Variants in EHMT1 observed in about 807,000 individuals in gnomAD.
The protein encoded by EHMT1 is histone-lysine N-methyltransferase EHMT1.
Under a neutral mutation model 147.2 loss-of-function variants are expected in EHMT1, and 15 were observed. The ratio of observed to expected loss-of-function variants is 0.10; its 90% confidence interval spans 0.07 to 0.16. EHMT1 has a LOEUF of 0.16. Ranked by LOEUF, EHMT1 falls within the 10% of genes least tolerant of loss-of-function variation. EHMT1 has a pLI of 1.00. For synonymous variants in EHMT1, 795 were observed against 709.6 expected, an observed-to-expected ratio of 1.12 and a Z score of -1.91; for missense variants, 1,587 against 1,772.4, an observed-to-expected ratio of 0.90 and a Z score of 1.88.
chr9:137,726,887 C>T (rs545935066), intron 3 of EHMT1, among the ~76,000 whole-genome samples: 12 of 152,202 alleles, frequency 7.9e-5, no homozygotes, highest in Admixed American at 1.3e-4. Flanking sequence ...TGGTACTCAC[C>T]GTGGTTTTGA....
At chr9:137,808,678 G>T (rs1016822226) in intron 18 of EHMT1, among the ~76,000 whole-genome samples, 2 of 103,050 alleles carry the variant, frequency 1.9e-5, no homozygotes, top group African/African-American at 2.0e-4. Context: ...GCGGGGGGTG[G>T]GGGGGGCGCG....
rs1462150039 is a variant in EHMT1 at position 137,743,952 on chromosome 9, G to A, written c.1032G>A (p.Leu344=). The A allele has an allele frequency of 6.2e-7, 1 of 1,613,844 alleles. No homozygotes were observed. The highest frequency in any genetic ancestry group is 8.5e-7 in the Non-Finnish European group (1 of 1,179,914). The change falls in exon 6 of 27, where the codon CTG becomes CTA. Residue 344 remains leucine (L), a synonymous_variant. Coordinates refer to ENST00000460843, the MANE Select transcript of EHMT1 (RefSeq NM_024757.5). ...ASSLHVNGES[L]EMDSDEDDSE... is the part of the protein sequence containing the mutation. ...GCCTGCACGTGAATGGGGAGAGCCT[G>A]GAGATGGACTCGGATGAGGACGACT...
At chr9:137,712,903 G>A (rs1431089531) in intron 2 of EHMT1, among the ~76,000 whole-genome samples, 4 of 151,970 alleles carry the variant, frequency 2.6e-5, no homozygotes, top group Non-Finnish European at 5.9e-5. Context: ...GAGTTTTATA[G>A]TTTTATCTCT....
intron 25 of EHMT1, among the ~76,000 whole-genome samples, chr9:137,826,189 T>G (rs1588909760): frequency 6.6e-6 from 1 of 152,186 alleles, no homozygotes; most frequent in Non-Finnish European, 1.5e-5. Flanking sequence ...CTGTGCCGTC[T>G]CCTTGCTGCC....
intron 25 of EHMT1, 56 bp downstream of exon 25, chr9:137,818,194 A>G (rs980650103): frequency 6.3e-7 from 1 of 1,578,332 alleles, no homozygotes; most frequent in African/African-American, 1.3e-5. Flanking sequence ...TAAAACCTGA[A>G]TGTGTTTGTC....
intron 3 of EHMT1, among the ~76,000 whole-genome samples, chr9:137,726,231 C>T (rs999916357): frequency 1.3e-5 from 2 of 152,244 alleles, no homozygotes; most frequent in African/African-American, 4.8e-5. Context: ...GGAACCTCTT[C>T]ATCTTCCCAC....
intron 9 of EHMT1, among the ~76,000 whole-genome samples, chr9:137,759,004 A>G (rs932477006): frequency 6.6e-6 from 1 of 151,902 alleles, no homozygotes; most frequent in Non-Finnish European, 1.5e-5. Context: ...GCGGGCGCCT[A>G]TAGTCCCAGC....
In EHMT1 at chr9:137,729,600, T is replaced by A. The variant is rs182392700; in HGVS notation, c.823+1071T>A. On this transcript the variant is annotated intron_variant, in intron 4 of 26. Coordinates refer to ENST00000460843, the MANE Select transcript of EHMT1 (RefSeq NM_024757.5). The stretch of plus-strand genomic sequence containing the variant: ...AGACTCCATCTCAAAAAAAAAAAAA[T>A]TTTTTTTAATTTAAGTATTTTCAGA... Among the ~76,000 whole-genome samples the A allele has an allele frequency of 9.0e-3, 1,299 of 143,826 alleles. 40 individuals carry two copies. The East Asian group carries it at 0.11, about 12-fold the overall frequency. 94.4% of individuals were successfully genotyped at this position (143,826 alleles called of 152,430 possible). A position where few individuals can be genotyped will look rare whatever the true frequency, so the allele number is the denominator to read the frequency against.
rs10667884 is a variant in EHMT1, at chr9:137,834,335, T to TTC, written c.3541-11_3541-10dup. 0.12 allele frequency: 198,544 copies of TTC among 1,612,306 alleles called. 18,014 individuals carry two copies. Among genetic ancestry groups the TTC allele is most frequent in the African/African-American group, 0.44 (32,831 of 74,944 alleles). On this transcript the variant is annotated splice_polypyrimidine_tract_variant and intron_variant, in intron 25 of 26. Transcript: ENST00000460843. The stretch of plus-strand genomic sequence containing the variant: ...CTTGCTAACTGCAGCCCGTGCCGGC[T>TTC]TCTCGCCCTGCAGGACGGGGAGGTT...
At chr9:137,739,085 A>AAAAC (rs1564666900) in intron 4 of EHMT1, among the ~76,000 whole-genome samples, 1 of 152,036 alleles carries the variant, frequency 6.6e-6, no homozygotes, top group African/African-American at 2.4e-5. Context: ...AAAAAAAAAA[A>AAAAC]AACAGGCCGG....
At position 137,723,714 on chromosome 9, in the gene EHMT1, T is replaced by A. The variant is rs191516439; in HGVS notation, c.643-4635T>A. Among the ~76,000 whole-genome samples, 17 of 152,356 alleles carry A rather than the reference T, an allele frequency of 1.1e-4. No homozygotes were observed. The East Asian group carries it at 3.1e-3, about 28-fold the overall frequency. ...AACCCAATTTAGTCTTGTTTGGTAT[T>A]TTTTTAAAGCCACAATTTATTGAAA... On this transcript the variant is annotated intron_variant, in intron 3 of 26. Coordinates refer to ENST00000460843, the MANE Select transcript of EHMT1 (RefSeq NM_024757.5).
At chr9:137,774,951 T>C (rs1292145415) in intron 10 of EHMT1, among the ~76,000 whole-genome samples, 158 bp from the exon 11 acceptor site, 1 of 152,180 alleles carries the variant, frequency 6.6e-6, no homozygotes, top group Non-Finnish European at 1.5e-5. Context: ...AGGTGCTCGA[T>C]AAGTGCTTGC....
chr9:137,821,189 T>C (rs1955388576), intron 25 of EHMT1, among the ~76,000 whole-genome samples: 1 of 152,050 alleles, frequency 6.6e-6, no homozygotes, highest in Admixed American at 6.6e-5. Context: ...CCCAGCTAAG[T>C]TTTGTAGTTT....
Position 137,775,563 on chromosome 9 carries a change from C to G in EHMT1, c.1791+311C>G, listed in dbSNP as rs966597085. Among the ~76,000 whole-genome samples the G allele has an allele frequency of 1.1e-4, 16 of 151,776 alleles. No homozygotes were observed. The highest frequency in any genetic ancestry group is 1.3e-4 in the Non-Finnish European group (9 of 67,918). On this transcript the variant is annotated intron_variant, in intron 11 of 26. Coordinates refer to ENST00000460843, the MANE Select transcript of EHMT1 (RefSeq NM_024757.5). This position sits in a 1 kb window ranked among gnomAD's most constrained non-coding sequence, Gnocchi z 6.1. ...AAGTGAGGGTTGGGGGTGAAGGTGT[C>G]TAAGGCACTGGGGCTCGAGAGCAGT...
chr9:137,788,188 G>A, intron 15 of EHMT1: 1 of 673,232 alleles, frequency 1.5e-6, no homozygotes, highest in Non-Finnish European at 2.4e-6. Context: ...GCCTGCAGAA[G>A]CTGGGCTGCT....
chr9:137,806,273 T>C (rs1453042766), intron 18 of EHMT1, among the ~76,000 whole-genome samples: 2 of 152,078 alleles, frequency 1.3e-5, no homozygotes, highest in Non-Finnish European at 2.9e-5. Context: ...GTGGTCTGTT[T>C]GAAAGACTGC....
At chr9:137,693,433 G>A (rs1943108150) in intron 1 of EHMT1, among the ~76,000 whole-genome samples, 1 of 152,246 alleles carries the variant, frequency 6.6e-6, no homozygotes, top group South Asian at 2.1e-4. Flanking sequence ...TTTTACTGCA[G>A]AGGAAACGGG....
intron 18 of EHMT1, among the ~76,000 whole-genome samples, chr9:137,809,005 A>T (rs765279759): frequency 6.6e-6 from 1 of 152,230 alleles, no homozygotes; most frequent in Non-Finnish European, 1.5e-5. Flanking sequence ...GCCCCTAAGC[A>T]AGCAGCCTTT....
At chr9:137,817,357 T>A (rs1168863976) in intron 23 of EHMT1, 82 bp from the exon 24 acceptor site, 2 of 1,494,040 alleles carry the variant, frequency 1.3e-6, no homozygotes, top group Middle Eastern at 1.7e-4. Flanking sequence ...TTCAGTGACG[T>A]GGCACCAGCT....
Sources: allele counts gnomAD v4.1 joint callset (sites outside exome capture counted in the v4.1 genomes callset), GRCh38; gene constraint gnomAD v4.1.1; non-coding constraint Gnocchi (gnomAD v3.1); transcripts MANE v1.5; gene names NCBI Gene and HGNC (gene_info 2026-07-23, HGNC 2026-07-21).